Variants in UVRAG observed in about 807,000 individuals in gnomAD.
UVRAG encodes the protein UV radiation resistance associated, also known as UV radiation resistance-associated gene protein.
UVRAG carries 19 observed loss-of-function variants against 78.0 expected under a neutral mutation model. The ratio of observed to expected loss-of-function variants is 0.24; its 90% CI spans 0.17 to 0.36. UVRAG has a LOEUF of 0.36. Among genes scored for constraint, UVRAG ranks in the 10% least tolerant of loss-of-function variants. The pLI, the probability that UVRAG is intolerant of heterozygous loss-of-function variation, is 1.00. For missense variants in UVRAG, 740 were observed against 853.8 expected (o/e 0.87, Z 1.66); for synonymous variants, 323 against 324.6 (o/e 1.00, Z 0.05).
chr11:75,906,145 G>A (rs1179642500), intron 5 of UVRAG, among the ~76,000 whole-genome samples: 1 of 151,910 alleles, frequency 6.6e-6, no homozygotes, highest in East Asian at 1.9e-4. Flanking sequence ...CCATTCTGTT[G>A]GGTTCTTTTT....
chr11:75,866,357 CAATA>C (rs376334935), intron 3 of UVRAG, among the ~76,000 whole-genome samples: 18 of 148,798 alleles, frequency 1.2e-4, no homozygotes, highest in East Asian at 5.8e-4. Context: ...CCCATCTCTA[CAATA>C]AATAAATAAA....
At chr11:76,098,508 T>C (rs1248726438) in intron 13 of UVRAG, among the ~76,000 whole-genome samples, 3 of 152,130 alleles carry the variant, frequency 2.0e-5, no homozygotes, top group Admixed American at 2.0e-4. Context: ...AAAATGGCTT[T>C]TTATTAGATT....
chr11:76,124,691 T>G (rs1952353608), intron 14 of UVRAG, among the ~76,000 whole-genome samples: 1 of 152,244 alleles, frequency 6.6e-6, no homozygotes, highest in Non-Finnish European at 1.5e-5. Flanking sequence ...AACTAGTGGC[T>G]TTATGTGAGG....
rs1952734153 is a variant in UVRAG, at chr11:76,142,128, AG to A, written c.*716del. On this transcript the variant is annotated 3_prime_UTR_variant, in exon 15 of 15. Transcript: ENST00000356136. ...CTGCCATACCCTTAATGCGGCCCTC[AG>A]ATTAGATGAAAAACTTGCTCCTGGT... 1 of 152,140 alleles carries A rather than the reference AG, an allele frequency of 6.6e-6. No homozygotes were observed. The highest frequency in any genetic ancestry group is 2.4e-5 in the African/African-American group (1 of 41,416). 9.4% of individuals were successfully genotyped at this position (152,140 alleles called of 1,614,324 possible).
intron 4 of UVRAG, among the ~76,000 whole-genome samples, chr11:75,882,707 G>A (rs1021854196): frequency 1.3e-5 from 2 of 151,656 alleles, no homozygotes; most frequent in Admixed American, 6.6e-5. Context: ...TCCCCTCCAC[G>A]CAGCTCCTGC....
intron 5 of UVRAG, among the ~76,000 whole-genome samples, chr11:75,902,915 C>A (rs551941691): frequency 4.6e-5 from 7 of 152,154 alleles, no homozygotes; most frequent in Non-Finnish European, 4.4e-5. Context: ...AGGATGCTTT[C>A]GTTTTTTATT....
At chr11:75,929,134 A>G (rs753662543) in intron 6 of UVRAG, among the ~76,000 whole-genome samples, 2 of 152,110 alleles carry the variant, frequency 1.3e-5, no homozygotes, top group African/African-American at 2.4e-5. Flanking sequence ...AATAGTAACA[A>G]TAAAGAATTT....
At chr11:75,962,450 T>C (rs1303385356) in intron 7 of UVRAG, among the ~76,000 whole-genome samples, 1 of 152,156 alleles carries the variant, frequency 6.6e-6, no homozygotes, top group Non-Finnish European at 1.5e-5. Context: ...GAAACTTCTC[T>C]CTCATGGAAT....
At chr11:76,007,341 T>C (rs558501415) in intron 9 of UVRAG, among the ~76,000 whole-genome samples, 193 bp from the exon 10 acceptor site, 16 of 152,302 alleles carry the variant, frequency 1.1e-4, no homozygotes, top group African/African-American at 3.6e-4. Context: ...ACTCAGTATA[T>C]AGTTAGCTTG....
At chr11:76,061,245 A>G (rs1196333504) in intron 12 of UVRAG, among the ~76,000 whole-genome samples, 6 of 152,040 alleles carry the variant, frequency 3.9e-5, no homozygotes, top group African/African-American at 1.2e-4. Context: ...TAGCTCATCT[A>G]GTGGGGAGGT....
At chr11:75,979,360 A>G (rs550735228) in intron 7 of UVRAG, among the ~76,000 whole-genome samples, 32 of 152,292 alleles carry the variant, frequency 2.1e-4, no homozygotes, top group South Asian at 1.0e-3. Flanking sequence ...CCGTTCCCAT[A>G]TCTCAAACTC....
intron 3 of UVRAG, among the ~76,000 whole-genome samples, chr11:75,875,769 T>C (rs1223035083): frequency 5.3e-5 from 8 of 152,206 alleles, no homozygotes; most frequent in African/African-American, 1.4e-4. Flanking sequence ...GTTTCACTTA[T>C]GCTGTTTAGG....
intron 4 of UVRAG, among the ~76,000 whole-genome samples, chr11:75,880,690 G>A (rs1466692150): frequency 6.6e-6 from 1 of 152,028 alleles, no homozygotes; most frequent in African/African-American, 2.4e-5. Flanking sequence ...AAGTAGCTGG[G>A]ATTACAGGCA....
chr11:75,901,224 A>T (rs1413863454), intron 5 of UVRAG, among the ~76,000 whole-genome samples: 1 of 152,046 alleles, frequency 6.6e-6, no homozygotes, highest in Non-Finnish European at 1.5e-5. Flanking sequence ...AAAAAAGTAT[A>T]CTCATTGCAT....
intron 7 of UVRAG, among the ~76,000 whole-genome samples, chr11:75,965,271 G>C (rs1948996531): frequency 1.3e-5 from 2 of 152,136 alleles, no homozygotes; most frequent in Admixed American, 1.3e-4. Flanking sequence ...TCTTTATAAT[G>C]TTGTAGCTTT....
intron 13 of UVRAG, among the ~76,000 whole-genome samples, chr11:76,088,913 A>G (rs1252811300): frequency 1.3e-5 from 2 of 152,116 alleles, no homozygotes; most frequent in African/African-American, 4.8e-5. Flanking sequence ...TGTCTCCCCT[A>G]CTAAATTAAT....
At chr11:75,979,798 C>T (rs929755527) in intron 7 of UVRAG, 13 of 152,408 alleles carry the variant, frequency 8.5e-5, no homozygotes, top group African/African-American at 3.1e-4. Flanking sequence ...TCGTGGCTTC[C>T]CTTGGCTGGG....
intron 2 of UVRAG, among the ~76,000 whole-genome samples, chr11:75,855,724 T>G (rs1946275021): frequency 6.6e-6 from 1 of 152,246 alleles, no homozygotes; most frequent in African/African-American, 2.4e-5. Context: ...AGACAGTTTT[T>G]TATTGGAAGA....
At chr11:75,987,810 C>T (rs902498794) in intron 8 of UVRAG, among the ~76,000 whole-genome samples, 5 of 151,522 alleles carry the variant, frequency 3.3e-5, no homozygotes, top group Admixed American at 3.3e-4. Flanking sequence ...GGTCTCGGCT[C>T]ACTGCACCCC....
Sources: allele counts gnomAD v4.1 joint callset (sites outside exome capture counted in the v4.1 genomes callset), GRCh38; gene constraint gnomAD v4.1.1; transcripts MANE v1.5; gene names NCBI Gene and HGNC (gene_info 2026-07-23, HGNC 2026-07-21).